Variants in HEATR1 observed in about 807,000 individuals in gnomAD.
HEATR1 encodes HEAT repeat containing 1.
In HEATR1, 77 loss-of-function variants were observed where a neutral mutation model predicts 248.2. That is an observed-to-expected ratio of 0.31 (90% CI 0.26 to 0.37). HEATR1 has a LOEUF of 0.37. Among genes scored for constraint, HEATR1 ranks in the 10% least tolerant of loss-of-function variants. The pLI is 1.00. For synonymous variants in HEATR1, 897 were observed against 923.1 expected, an observed-to-expected ratio of 0.97 and a Z score of 0.51; for missense variants, 2,420 against 2,504.9, an observed-to-expected ratio of 0.97 and a Z score of 0.72.
rs1197221738 is a variant in HEATR1, at chr1:236,565,567, CT to C, written c.4435+351del. Among the ~76,000 whole-genome samples, 8 of 152,208 alleles carry C rather than the reference CT, an allele frequency of 5.3e-5. No homozygotes were observed. The East Asian group carries it at 7.7e-4, about 15-fold the overall frequency. On this transcript the variant is annotated intron_variant, in intron 31 of 44. Coordinates refer to ENST00000366582, the MANE Select transcript of HEATR1 (RefSeq NM_018072.6). Reference sequence around the variant, plus strand: ...TTTGCTGCCACTCCTGTGGTACCTACTTTTTTTCTTTTCATGTAAATGTCTT... The same window carrying C: ...TTTGCTGCCACTCCTGTGGTACCTACTTTTTTCTTTTCATGTAAATGTCTT...
rs368605325 is a variant in HEATR1 at position 236,576,847 on chromosome 1, T to C, written c.2858A>G (p.Tyr953Cys). 6 of 1,613,914 alleles carry C rather than the reference T, an allele frequency of 3.7e-6. No individual in the cohort carries two copies. Among genetic ancestry groups the C allele is most frequent in the African/African-American group, 2.7e-5 (2 of 74,914 alleles). ...AGAAATCAAATGATCTATTATCAGA[T>C]AAAACGGGGATGCCACTCCACTGAG... Reference protein sequence around the residue: ...QALSGVASPFYLIIDHLISKA... With the variant: ...QALSGVASPFCLIIDHLISKA... Residue 953 changes from tyrosine (Y) to cysteine (C), a missense_variant, in exon 21 of 45, where the codon TAT becomes TGT. Tyr to Cys is a radical substitution (Grantham distance 194). Coordinates refer to ENST00000366582, the MANE Select transcript of HEATR1 (RefSeq NM_018072.6).
chr1:236,603,131 A>T lies in HEATR1; in HGVS notation c.359+29T>A. ...TTTACAAGACCAAAGTGATTAACCC[A>T]TAGTTATTTCTGTAATTCTATTAGC... On this transcript the variant is annotated intron_variant, in intron 3 of 44. Coordinates refer to ENST00000366582, the MANE Select transcript of HEATR1 (RefSeq NM_018072.6). 2.0e-6 allele frequency: 3 copies of T among 1,537,068 alleles called. No homozygotes were observed. The South Asian group carries it at 3.4e-5, about 17-fold the overall frequency.
chr1:236,603,662 C>T (rs1293103396), intron 2 of HEATR1, among the ~76,000 whole-genome samples: 2 of 151,104 alleles, frequency 1.3e-5, no homozygotes, highest in African/African-American at 2.4e-5. Context: ...TTCTCCGTCA[C>T]CCCAGTCACT....
intron 10 of HEATR1, among the ~76,000 whole-genome samples, 159 bp from the exon 11 acceptor site, chr1:236,592,269 A>T (rs1460942563): frequency 6.6e-6 from 1 of 152,206 alleles, no homozygotes; most frequent in Non-Finnish European, 1.5e-5. Flanking sequence ...ACATTGGTCA[A>T]GTGTGTTACT....
chr1:236,569,030 T>C lies in HEATR1; in HGVS notation c.4043A>G (p.Lys1348Arg). The change falls in exon 29 of 45, where the codon AAG becomes AGG. Residue 1348 changes from lysine (K) to arginine (R), a missense_variant. Transcript: ENST00000366582. ...TGCGGGAATAACCATTTTCACTGTCTTGTTAATAACTTGAAAACTGTAAGT... is the reference window on the plus strand; with the variant it reads ...TGCGGGAATAACCATTTTCACTGTCCTGTTAATAACTTGAAAACTGTAAGT... Reference protein sequence around the residue: ...DDTYSFQVINKTVKMVIPALI... With the variant: ...DDTYSFQVINRTVKMVIPALI... 1.2e-6 allele frequency: 2 copies of C among 1,609,900 alleles called. No homozygotes were observed. The highest frequency in any genetic ancestry group is 1.7e-6 in the Non-Finnish European group (2 of 1,178,470).
chr1:236,575,544 C>G (rs1036494997), intron 22 of HEATR1, among the ~76,000 whole-genome samples: 16 of 152,174 alleles, frequency 1.1e-4, no homozygotes, highest in African/African-American at 3.9e-4. Context: ...TTAATTTAAA[C>G]TATACCAGGG....
At chr1:236,585,280 T>G (rs1473097663) in intron 16 of HEATR1, 64 bp from the exon 17 acceptor site, 2 of 1,364,900 alleles carry the variant, frequency 1.5e-6, no homozygotes, top group African/African-American at 2.9e-5. Flanking sequence ...TTTTTTCAAC[T>G]CAGGTCTATC....
In HEATR1 at chr1:236,585,945, TA is replaced by T. The variant is rs546524959; in HGVS notation, c.1928-5del. 40 of 1,613,058 alleles carry T rather than the reference TA, an allele frequency of 2.5e-5. No individual in the cohort carries two copies. Among genetic ancestry groups the T allele is most frequent in the Non-Finnish European group, 3.3e-5 (39 of 1,179,506 alleles). ...CTTTTAATTACATTTTCAAGAGCTG[TA>T]AAGTAAAATCGAATGCAGAGAGCTC... On this transcript the variant is annotated splice_region_variant and splice_polypyrimidine_tract_variant and intron_variant, in intron 15 of 44. Coordinates refer to ENST00000366582, the MANE Select transcript of HEATR1 (RefSeq NM_018072.6).
rs1345013141 is a variant in HEATR1, at chr1:236,573,979, T to C, written c.3459+223A>G. 1.1e-5 allele frequency: 4 copies of C among 355,346 alleles called. No individual in the cohort carries two copies. In the East Asian group the frequency reaches 2.1e-4, roughly 18 times the overall value. 22.0% of individuals were successfully genotyped at this position (355,346 alleles called of 1,614,324 possible). A position where few individuals can be genotyped will look rare whatever the true frequency, so the allele number is the denominator to read the frequency against. On this transcript the variant is annotated intron_variant, in intron 24 of 44. Transcript: ENST00000366582. ...CACACACACATATTCCTACACATCC[T>C]ATCTGGTTAAAATTATCAACAAATA...
chr1:236,567,023 A>G (rs2799432), intron 29 of HEATR1, 147 bp from the exon 30 acceptor site: 419,656 of 608,616 alleles, frequency 0.69, 146,140 homozygotes, highest in Non-Finnish European at 0.72. Context: ...GTCTTTCTCC[A>G]TGGCCCAGGC....
chr1:236,604,032 A>C lies in HEATR1; in HGVS notation c.64T>G (p.Ser22Ala). 6.3e-7 allele frequency: 1 copy of C among 1,593,944 alleles called. No individual in the cohort carries two copies. The highest frequency in any genetic ancestry group is 8.5e-7 in the Non-Finnish European group (1 of 1,172,614). Residue 22 changes from serine (S) to alanine (A), a missense_variant, in exon 2 of 45, where the codon TCT becomes GCT. Ser to Ala is a moderately conservative substitution (Grantham distance 99). Transcript: ENST00000366582. ...AACAAAGAAGCAACTTCATCTCTAG[A>C]TAAGAGGCTGGCATCACTTTGAGGG... ...ALPQSDASLL[S>A]RDEVASLLFD...
At position 236,571,606 on chromosome 1, in the gene HEATR1, C is replaced by G. The variant is rs1456611031; in HGVS notation, c.3788G>C (p.Cys1263Ser). ...GCCACCATCTGGAGATAGTTTTTGG[C>G]AGATGTTGAGCAGACAACTAAGAAT... is the stretch of plus-strand genomic sequence containing the variant. ...QLILSCLLNI[C>S]QKLSPDGGKI... Residue 1263 changes from cysteine (C) to serine (S), a missense_variant, in exon 27 of 45, where the codon TGC (cysteine) becomes TCC (serine). By Grantham distance (112) the Cys-to-Ser change is moderately radical. Transcript: ENST00000366582. The G allele has an allele frequency of 6.2e-7, 1 of 1,613,906 alleles. No homozygotes were observed. Among genetic ancestry groups the G allele is most frequent in the African/African-American group, 1.3e-5 (1 of 74,934 alleles).
rs1056467718 is a variant in HEATR1 at position 236,558,110 on chromosome 1, A to G, written c.5204+127T>C. On this transcript the variant is annotated intron_variant, in intron 36 of 44. Transcript: ENST00000366582. ...TGAGCCACCACACCCTGCAAGATCA[A>G]TTCTTTAACAAATTCCAATTTTATG... 7 of 1,074,780 alleles carry G rather than the reference A, an allele frequency of 6.5e-6. No homozygotes were observed. In the African/African-American group the frequency reaches 1.1e-4, roughly 17 times the overall value. 66.6% of individuals were successfully genotyped at this position (1,074,780 alleles called of 1,614,324 possible). A position where few individuals can be genotyped will look rare whatever the true frequency, so the allele number is the denominator to read the frequency against.
At chr1:236,557,130 T>C in intron 37 of HEATR1, 65 bp downstream of exon 37, 2 of 1,525,408 alleles carry the variant, frequency 1.3e-6, no homozygotes, top group Middle Eastern at 2.0e-4. Flanking sequence ...ACAAAATCAC[T>C]ACATTTGTGA....
chr1:236,593,685 T>C lies in HEATR1; in HGVS notation c.1193+327A>G, dbSNP rs16834022. On this transcript the variant is annotated intron_variant, in intron 9 of 44. Coordinates refer to ENST00000366582, the MANE Select transcript of HEATR1 (RefSeq NM_018072.6). Reference sequence around the variant, plus strand: ...TGTTTCTAAATGACATTTACTGCGTTTTAATTGTGATGTGTTATTTCAGAT... The same window carrying C: ...TGTTTCTAAATGACATTTACTGCGTCTTAATTGTGATGTGTTATTTCAGAT... Among the ~76,000 whole-genome samples the C allele has an allele frequency of 3.1e-3, 468 of 152,264 alleles. 3 individuals are homozygous for C. Among genetic ancestry groups the C allele is most frequent in the Admixed American group, 0.019 (298 of 15,300 alleles).
intron 19 of HEATR1, among the ~76,000 whole-genome samples, chr1:236,581,670 C>A (rs1428945034): frequency 6.6e-6 from 1 of 152,246 alleles, no homozygotes; most frequent in South Asian, 2.1e-4. Flanking sequence ...GTATCTGGGA[C>A]GCCTAATTAA....
Position 236,574,343 on chromosome 1 carries a change from G to A in HEATR1, c.3328-10C>T, listed in dbSNP as rs201289671. 862 of 1,600,182 alleles carry A rather than the reference G, an allele frequency of 5.4e-4. No homozygotes were observed. The highest frequency in any genetic ancestry group is 6.8e-4 in the Non-Finnish European group (804 of 1,176,428). ...AAAATGGTTTTGTAATCTAGAGGGG[G>A]TAGAAAAAAGGCAACTGAGTTCAGT... On this transcript the variant is annotated splice_polypyrimidine_tract_variant and intron_variant, in intron 23 of 44. Transcript: ENST00000366582.
At chr1:236,600,529 CTTT>C (rs1021818845) in intron 3 of HEATR1, among the ~76,000 whole-genome samples, 26 of 150,962 alleles carry the variant, frequency 1.7e-4, no homozygotes, top group African/African-American at 6.1e-4. Flanking sequence ...CATACATTGC[CTTT>C]TATTAGATTT....
Position 236,576,854 on chromosome 1 carries a change from G to A in HEATR1, c.2851C>T (p.Pro951Ser), listed in dbSNP as rs749721725. ...AAATGATCTATTATCAGATAAAACG[G>A]GGATGCCACTCCACTGAGGGCCTGG... ...CLQALSGVAS[P>S]FYLIIDHLIS... The change falls in exon 21 of 45, where the codon CCG becomes TCG. Residue 951 changes from proline to serine, a missense_variant. Coordinates refer to ENST00000366582, the MANE Select transcript of HEATR1 (RefSeq NM_018072.6). 2 of 1,613,968 alleles carry A rather than the reference G, an allele frequency of 1.2e-6. No homozygotes were observed. Among genetic ancestry groups the A allele is most frequent in the Admixed American group, 3.3e-5 (2 of 60,020 alleles).
Sources: allele counts gnomAD v4.1 joint callset (sites outside exome capture counted in the v4.1 genomes callset), GRCh38; gene constraint gnomAD v4.1.1; transcripts MANE v1.5; gene names NCBI Gene and HGNC (gene_info 2026-07-23, HGNC 2026-07-21).